The following ISCA1 variants were observed in gnomAD, a reference collection of about 807,000 sequenced individuals.
ISCA1 encodes iron-sulfur cluster assembly 1.
A neutral mutation model predicts 14.7 loss-of-function variants in ISCA1; 9 were observed. That is an observed-to-expected ratio of 0.61 (90% confidence interval 0.37 to 1.07). The LOEUF is 1.07. ISCA1 is among the 50% of genes least tolerant of loss of function. The probability of loss-of-function intolerance (pLI) is 0.01; values close to 1 mark genes in which losing one functional copy is unlikely to be tolerated. For missense variants in ISCA1, 102 were observed against 150.1 expected (o/e 0.68, Z 1.67); for synonymous variants, 38 against 54.3 (o/e 0.70, Z 1.32).
chr9:86,267,277 A>T lies in ISCA1; in HGVS notation c.242-1086T>A, dbSNP rs989842953. The T allele has an allele frequency of 1.2e-5, 10 of 808,374 alleles. No homozygotes were observed. The African/African-American group carries it at 1.7e-4, about 14-fold the overall frequency. 50.1% of individuals were successfully genotyped at this position (808,374 alleles called of 1,614,324 possible). ...AAAAAAACTTTCTTCCTTACAAGAA[A>T]TTGAGCCATTAGCTAAATATAAACA... On this transcript the variant is annotated intron_variant, in intron 3 of 3. Coordinates refer to ENST00000375991, the MANE Select transcript of ISCA1 (RefSeq NM_030940.4).
At chr9:86,267,496 AT>A (rs1378668234) in intron 3 of ISCA1, 1 of 976,612 alleles carries the variant, frequency 1.0e-6, no homozygotes, top group Non-Finnish European at 1.2e-6. Flanking sequence ...CATACTTCCA[AT>A]GACAAGATAA....
intron 1 of ISCA1, among the ~76,000 whole-genome samples, chr9:86,278,228 A>T (rs941162898): frequency 6.6e-6 from 1 of 152,224 alleles, no homozygotes; most frequent in Non-Finnish European, 1.5e-5. Flanking sequence ...GAACAAGTAC[A>T]GTGTATTTTA....
chr9:86,267,663 G>C (rs1825306329), intron 3 of ISCA1: 1 of 814,020 alleles, frequency 1.2e-6, no homozygotes, highest in South Asian at 5.6e-5. Context: ...TGATAATACA[G>C]CTCCACTAAA....
chr9:86,275,836 G>A (rs1535759), intron 1 of ISCA1, among the ~76,000 whole-genome samples: 2 of 151,774 alleles, frequency 1.3e-5, no homozygotes, highest in Non-Finnish European at 2.9e-5. Flanking sequence ...GCAGGATTAT[G>A]GTTTTGTTTT....
intron 1 of ISCA1, among the ~76,000 whole-genome samples, chr9:86,278,402 T>C (rs62573403): frequency 2.0e-5 from 3 of 152,238 alleles, no homozygotes; most frequent in Non-Finnish European, 4.4e-5. Context: ...TGGTGGCTCA[T>C]GCCTGTAATG....
At chr9:86,267,512 T>A in intron 3 of ISCA1, 25 of 976,754 alleles carry the variant, frequency 2.6e-5, no homozygotes, top group Non-Finnish European at 3.0e-5. Context: ...AGATAAATTA[T>A]TTATTTTAGA....
intron 2 of ISCA1, 100 bp from the exon 3 acceptor site, chr9:86,272,212 T>C (rs530256307): frequency 1.3e-6 from 1 of 755,000 alleles, no homozygotes; most frequent in Non-Finnish European, 2.3e-6. Flanking sequence ...AAAATGGACT[T>C]TCTCTTATTT....
At position 86,282,427 on chromosome 9, in the gene ISCA1, C is replaced by T; in HGVS notation, c.32G>A (p.Arg11Gln). 7 of 1,556,022 alleles carry T rather than the reference C, an allele frequency of 4.5e-6. No individual in the cohort carries two copies. Among genetic ancestry groups the T allele is most frequent in the Non-Finnish European group, 6.1e-6 (7 of 1,149,926 alleles). The change falls in exon 1 of 4, where the codon CGG (arginine) becomes CAG (glutamine). Residue 11 changes from arginine (R) to glutamine (Q), a missense_variant. Arg to Gln is a conservative substitution (Grantham distance 43). Transcript: ENST00000375991. ...CTGCAGCTTCCTCTTGCTCACAGCC[C>T]GGACAGTTGCCCGGACTAAGGAAGC... The part of the protein sequence containing the change: MSASLVRATV[R>Q]AVSKRKLQPT...
intron 3 of ISCA1, 124 bp downstream of exon 3, chr9:86,271,883 T>G: frequency 1.6e-6 from 1 of 631,104 alleles, no homozygotes. Flanking sequence ...AAACAACACC[T>G]ACACACACAG....
At position 86,266,159 on chromosome 9, in the gene ISCA1, G is replaced by T. The variant is rs1825291094; in HGVS notation, c.274C>A (p.Leu92Ile). ...VRVFIEKKAQ[L>I]TLLGTEMDYV... ...TCCATTTCTGTTCCTAAAAGTGTTAGCTGTGCTTTCTTTTCGATGAATACT... is the reference window on the plus strand; with the variant it reads ...TCCATTTCTGTTCCTAAAAGTGTTATCTGTGCTTTCTTTTCGATGAATACT... Residue 92 changes from leucine to isoleucine, a missense_variant, in exon 4 of 4, where the codon CTA becomes ATA. Physicochemically the swap from Leu to Ile is conservative, Grantham distance 5. Coordinates refer to ENST00000375991, the MANE Select transcript of ISCA1 (RefSeq NM_030940.4). 6 of 1,609,832 alleles carry T rather than the reference G, an allele frequency of 3.7e-6. No individual in the cohort carries two copies. The highest frequency in any genetic ancestry group is 4.2e-6 in the Non-Finnish European group (5 of 1,178,604).
chr9:86,275,830 G>T (rs139171503), intron 1 of ISCA1, among the ~76,000 whole-genome samples: 2 of 152,258 alleles, frequency 1.3e-5, no homozygotes, highest in Non-Finnish European at 2.9e-5. Context: ...GGAAGAGCAG[G>T]ATTATGGTTT....
chr9:86,269,910 T>A (rs1002473994), intron 3 of ISCA1, among the ~76,000 whole-genome samples: 2 of 152,168 alleles, frequency 1.3e-5, no homozygotes, highest in Admixed American at 6.5e-5. Flanking sequence ...TGAAAGTGGA[T>A]CCCTTCCTTA....
rs1442782874 is a variant in ISCA1 at position 86,265,662 on chromosome 9, G to A, written c.*381C>T. ...CCACCATATTACTACCAGCAGTCAC[G>A]ATGTCCTGTCTCAGATTTTAGGAGT... On this transcript the variant is annotated 3_prime_UTR_variant, in exon 4 of 4. Coordinates refer to ENST00000375991, the MANE Select transcript of ISCA1 (RefSeq NM_030940.4). 1.8e-5 allele frequency: 4 copies of A among 221,386 alleles called. No individual in the cohort carries two copies. The highest frequency in any genetic ancestry group is 1.4e-4 in the South Asian group (2 of 14,104). The allele number at this position is 221,386 out of a possible 1,614,324, so 13.7% of individuals were successfully genotyped here.
rs987216740 is a variant in ISCA1, at chr9:86,274,873, A to G, written c.82-631T>C. ...TAGATGAACAAAACTAAGCTAGTCA[A>G]TGACAGAAATAAGAACAAGGAGGAG... On this transcript the variant is annotated intron_variant, in intron 1 of 3. Coordinates refer to ENST00000375991, the MANE Select transcript of ISCA1 (RefSeq NM_030940.4). Among the ~76,000 whole-genome samples the G allele has an allele frequency of 3.3e-5, 5 of 152,342 alleles. No individual in the cohort carries two copies. The South Asian group carries it at 8.3e-4, about 25-fold the overall frequency.
chr9:86,280,881 T>C lies in ISCA1; in HGVS notation c.81+1497A>G, dbSNP rs547274855. On this transcript the variant is annotated intron_variant, in intron 1 of 3. Transcript: ENST00000375991. ...AGGTTGACGCTGCAGTGTGCCATGA[T>C]TGCACCACTGAACTACAGCCTGGGA... is the stretch of plus-strand genomic sequence containing the variant. Among the ~76,000 whole-genome samples, 137 of 151,952 alleles carry C rather than the reference T, an allele frequency of 9.0e-4. 1 individual carries two copies. Among genetic ancestry groups the C allele is most frequent in the African/African-American group, 2.7e-3 (111 of 41,404 alleles).
intron 1 of ISCA1, chr9:86,282,056 AG>A: frequency 2.9e-6 from 1 of 349,462 alleles, no homozygotes; most frequent in South Asian, 4.5e-5. Flanking sequence ...CGAACAGCGC[AG>A]GCCGGCAGGA....
At chr9:86,267,835 T>TAA (rs34344174) in intron 3 of ISCA1, 2,736 of 117,664 alleles carry the variant, frequency 0.023, 87 homozygotes, top group African/African-American at 0.077. Context: ...CATCTCAAAT[T>TAA]AAAAAAAAAA....
intron 1 of ISCA1, among the ~76,000 whole-genome samples, chr9:86,278,466 A>C (rs1292482971): frequency 3.3e-5 from 5 of 151,944 alleles, no homozygotes; most frequent in Non-Finnish European, 7.4e-5. Context: ...GGAGTTTGAG[A>C]CCAGCCTGTG....
At position 86,265,924 on chromosome 9, in the gene ISCA1, T is replaced by G; in HGVS notation, c.*119A>C. 2 of 1,462,122 alleles carry G rather than the reference T, an allele frequency of 1.4e-6. No individual in the cohort carries two copies. The highest frequency in any genetic ancestry group is 1.9e-6 in the Non-Finnish European group (2 of 1,043,858). The allele number at this position is 1,462,122 out of a possible 1,614,324, so 90.6% of individuals were successfully genotyped here. A position where few individuals can be genotyped will look rare whatever the true frequency, so the allele number is the denominator to read the frequency against. ...TTCTTCTGGAATCCAACACACTGGA[T>G]TCATTTTCAAGATGTATCACTTTAT... On this transcript the variant is annotated 3_prime_UTR_variant, in exon 4 of 4. Coordinates refer to ENST00000375991, the MANE Select transcript of ISCA1 (RefSeq NM_030940.4).
Sources: allele counts gnomAD v4.1 joint callset (sites outside exome capture counted in the v4.1 genomes callset), GRCh38; gene constraint gnomAD v4.1.1; transcripts MANE v1.5; gene names NCBI Gene and HGNC (gene_info 2026-07-23, HGNC 2026-07-21).